The following D2HGDH variants were observed in gnomAD, a reference collection of about 807,000 sequenced individuals.
D2HGDH encodes the protein D-2-hydroxyglutarate dehydrogenase, also known as D-2-hydroxyglutarate dehydrogenase, mitochondrial.
A neutral mutation model predicts 46.9 loss-of-function variants in D2HGDH; 31 were observed. That is an observed-to-expected ratio of 0.66 (90% confidence interval 0.50 to 0.89). The LOEUF (loss-of-function observed/expected upper bound fraction) is 0.89, where lower values mean the gene tolerates loss of function less well. D2HGDH is among the 40% of genes least tolerant of loss of function. The pLI is 0.00. For synonymous variants in D2HGDH, 364 were observed against 332.6 expected (o/e 1.09, Z -1.03); for missense variants, 698 against 720.8 (o/e 0.97, Z 0.36).
At position 241,768,521 on chromosome 2, in the gene D2HGDH, A is replaced by AG; in HGVS notation, c.*558dup. ...CCCTCAGGCCGTGGACGCCCTCGGG[A>AG]GGGGGGTGACTGTGGCTTGTGTCTG... On this transcript the variant is annotated 3_prime_UTR_variant, in exon 10 of 10. Coordinates refer to ENST00000321264, the MANE Select transcript of D2HGDH (RefSeq NM_152783.5). 1 of 153,128 alleles carries AG rather than the reference A, an allele frequency of 6.5e-6. No homozygotes were observed. The highest frequency in any genetic ancestry group is 1.5e-5 in the Non-Finnish European group (1 of 68,730). The allele number at this position is 153,128 out of a possible 1,614,324, so 9.5% of individuals were successfully genotyped here.
At chr2:241,758,767 ATATGTGTGTGTGTGTGTGTGTGTGTG>A (rs1276266586) in intron 9 of D2HGDH, among the ~76,000 whole-genome samples, 1 of 106,138 alleles carries the variant, frequency 9.4e-6, no homozygotes, top group East Asian at 2.9e-4. Flanking sequence ...GCCCCACAAT[ATATGTGTGTGTGTGTGTGTGTGTGTG>A]TGTGTGTGTG....
rs1304243051 is a variant in D2HGDH at position 241,743,894 on chromosome 2, C to G, written c.684+79C>G. On this transcript the variant is annotated intron_variant, in intron 5 of 9. Transcript: ENST00000321264. This position sits in a 1 kb window ranked among gnomAD's most constrained non-coding sequence, Gnocchi z 4.8. ...GCTCTCATGGGCCCACGTGGTGGCA[C>G]AGGTGCATGGGGCCCCTCGGGGTGG... 3 of 1,507,878 alleles carry G rather than the reference C, an allele frequency of 2.0e-6. No homozygotes were observed. The highest frequency in any genetic ancestry group is 2.7e-6 in the Non-Finnish European group (3 of 1,112,394). The allele number at this position is 1,507,878 out of a possible 1,614,324, so 93.4% of individuals were successfully genotyped here.
chr2:241,738,510 G>A (rs1034457605), intron 2 of D2HGDH, among the ~76,000 whole-genome samples: 3 of 152,250 alleles, frequency 2.0e-5, no homozygotes, highest in Non-Finnish European at 2.9e-5. Flanking sequence ...GGGCTATGCC[G>A]CTGCTGCCCT....
In D2HGDH at chr2:241,768,137, C is replaced by G. The variant is rs1256318054; in HGVS notation, c.*168C>G. ...GAACTGCCGGACGCAGGCCCTCGGG[C>G]AGGAGCATCTGGCAGAGTGGGGGGC... On this transcript the variant is annotated 3_prime_UTR_variant, in exon 10 of 10. Transcript: ENST00000321264. 2 of 1,079,790 alleles carry G rather than the reference C, an allele frequency of 1.9e-6. No homozygotes were observed. The highest frequency in any genetic ancestry group is 2.6e-6 in the Non-Finnish European group (2 of 776,202). 66.9% of individuals were successfully genotyped at this position (1,079,790 alleles called of 1,614,324 possible). A position where few individuals can be genotyped will look rare whatever the true frequency, so the allele number is the denominator to read the frequency against.
rs1049672893 is a variant in D2HGDH, at chr2:241,743,868, G to A, written c.684+53G>A. The A allele has an allele frequency of 1.3e-5, 20 of 1,538,768 alleles. No homozygotes were observed. Among genetic ancestry groups the A allele is most frequent in the Middle Eastern group, 2.3e-4 (1 of 4,362 alleles). ...AGGTCGCCACGGGGTGTCCTCTCAC[G>A]GCTCTCATGGGCCCACGTGGTGGCA... On this transcript the variant is annotated intron_variant, in intron 5 of 9. Coordinates refer to ENST00000321264, the MANE Select transcript of D2HGDH (RefSeq NM_152783.5). The surrounding 1 kb of genome is among the most constrained non-coding windows in gnomAD (Gnocchi z 4.8).
In D2HGDH at chr2:241,755,697, A is replaced by C. The variant is rs747716445; in HGVS notation, c.1141-152A>C. The C allele has an allele frequency of 8.0e-5, 125 of 1,564,452 alleles. No individual in the cohort carries two copies. The African/African-American group carries it at 1.4e-3, about 18-fold the overall frequency. On this transcript the variant is annotated intron_variant, in intron 8 of 9. Transcript: ENST00000321264. ...ACATTCGCTGTCTGGGGTTGGAGCC[A>C]CACCTGGTCTGGGGCATTTGCTGTC...
chr2:241,751,110 C>A, intron 7 of D2HGDH, 136 bp from the exon 8 acceptor site: 6 of 1,190,610 alleles, frequency 5.0e-6, no homozygotes, highest in Non-Finnish European at 7.3e-6. Flanking sequence ...GAGCTGTGTG[C>A]TCCGCAGGCT....
chr2:241,736,456 T>C (rs897234751), intron 2 of D2HGDH, among the ~76,000 whole-genome samples: 4 of 151,724 alleles, frequency 2.6e-5, no homozygotes, highest in Admixed American at 6.6e-5. Flanking sequence ...CAGAGGAGGC[T>C]CCTTCCTGCC....
intron 9 of D2HGDH, among the ~76,000 whole-genome samples, chr2:241,762,491 G>A (rs1336146632): frequency 6.6e-6 from 1 of 152,222 alleles, no homozygotes; most frequent in African/African-American, 2.4e-5. Flanking sequence ...GGCCGGGTGA[G>A]TGTTTACCTG....
At chr2:241,735,066 C>A in intron 1 of D2HGDH, 67 bp from the exon 2 acceptor site, 1 of 825,464 alleles carries the variant, frequency 1.2e-6, no homozygotes, top group East Asian at 3.2e-5. Flanking sequence ...CCCCTCCCTG[C>A]TTCTGCAAGC....
rs374535734 is a variant in D2HGDH, at chr2:241,744,721, G to T, written c.697G>T (p.Gly233Cys). 1 of 1,614,230 alleles carries T rather than the reference G, an allele frequency of 6.2e-7. No individual in the cohort carries two copies. Among genetic ancestry groups the T allele is most frequent in the Non-Finnish European group, 8.5e-7 (1 of 1,180,038 alleles). Residue 233 changes from glycine (G) to cysteine (C), a missense_variant, in exon 6 of 10, where the codon GGC (glycine) becomes TGC (cysteine). Physicochemically the swap from Gly to Cys is radical, Grantham distance 159. Coordinates refer to ENST00000321264, the MANE Select transcript of D2HGDH (RefSeq NM_152783.5). ...VLGLEVVLAD[G>C]TVLDCLTSLR... Reference sequence around the variant, plus strand: ...TCTTTGCCCCAAGGTGCTGGCCGACGGCACTGTCCTGGACTGCCTGACCTC... The same window carrying T: ...TCTTTGCCCCAAGGTGCTGGCCGACTGCACTGTCCTGGACTGCCTGACCTC...
chr2:241,755,517 G>C (rs1369358949), intron 8 of D2HGDH: 2 of 1,362,616 alleles, frequency 1.5e-6, no homozygotes, highest in Non-Finnish European at 1.9e-6. Flanking sequence ...TCCCCCTTCT[G>C]TGAGGTGTCC....
At position 241,758,765 on chromosome 2, in the gene D2HGDH, A is replaced by ATGTGTG. The variant is rs1491270413; in HGVS notation, c.1306+2752_1306+2753insGTGTGT. Among the ~76,000 whole-genome samples, 97 of 113,436 alleles carry ATGTGTG rather than the reference A, an allele frequency of 8.6e-4. 1 individual carries two copies. The highest frequency in any genetic ancestry group is 4.9e-4 in the Non-Finnish European group (24 of 48,730). The allele number at this position is 113,436 out of a possible 152,430, so 74.4% of individuals were successfully genotyped here. A position where few individuals can be genotyped will look rare whatever the true frequency, so the allele number is the denominator to read the frequency against. ...GATCTATACCGCCCCCCGCCCCACA[A>ATGTGTG]TATATGTGTGTGTGTGTGTGTGTGT... On this transcript the variant is annotated intron_variant, in intron 9 of 9. Transcript: ENST00000321264.
chr2:241,751,103 C>G (rs1697110475), intron 7 of D2HGDH, 143 bp from the exon 8 acceptor site: 12 of 1,096,268 alleles, frequency 1.1e-5, no homozygotes, highest in Non-Finnish European at 1.5e-5. Context: ...AACCAGAGAG[C>G]TGTGTGCTCC....
intron 2 of D2HGDH, among the ~76,000 whole-genome samples, chr2:241,739,794 T>A (rs1693939419): frequency 6.6e-6 from 1 of 152,220 alleles, no homozygotes; most frequent in Non-Finnish European, 1.5e-5. Context: ...TCACTGTGAA[T>A]AAGCAGCTAC....
chr2:241,742,302 GC>G lies in D2HGDH; in HGVS notation c.351-128del, dbSNP rs1694687679. 1.6e-6 allele frequency: 2 copies of G among 1,226,740 alleles called. No homozygotes were observed. Among genetic ancestry groups the G allele is most frequent in the Non-Finnish European group, 2.3e-6 (2 of 884,454 alleles). 76.0% of individuals were successfully genotyped at this position (1,226,740 alleles called of 1,614,324 possible). A position where few individuals can be genotyped will look rare whatever the true frequency, so the allele number is the denominator to read the frequency against. Reference sequence around the variant, plus strand: ...CCTCACATGCGTGGGCTGGGGAGGAGCCCCCGCTGAGGCTGCAGGCAGGGCA... The same window carrying G: ...CCTCACATGCGTGGGCTGGGGAGGAGCCCCGCTGAGGCTGCAGGCAGGGCA... On this transcript the variant is annotated intron_variant, in intron 3 of 9. Coordinates refer to ENST00000321264, the MANE Select transcript of D2HGDH (RefSeq NM_152783.5). This position sits in a 1 kb window ranked among gnomAD's most constrained non-coding sequence, Gnocchi z 4.8.
rs930630391 is a variant in D2HGDH at position 241,743,238 on chromosome 2, C to A, written c.491-384C>A. 6.6e-6 allele frequency among the ~76,000 whole-genome samples: 1 copy of A among 152,206 alleles called. No homozygotes were observed. Among genetic ancestry groups the A allele is most frequent in the Admixed American group, 6.5e-5 (1 of 15,294 alleles). The stretch of plus-strand genomic sequence containing the variant: ...GGCGCCTGCACTGTTGGGTGTTGAG[C>A]AGCATCCTTGGCCTCCGCCTACAAG... On this transcript the variant is annotated intron_variant, in intron 4 of 9. Coordinates refer to ENST00000321264, the MANE Select transcript of D2HGDH (RefSeq NM_152783.5). The surrounding 1 kb of genome is among the most constrained non-coding windows in gnomAD (Gnocchi z 4.8).
intron 8 of D2HGDH, chr2:241,755,250 C>T (rs1286827227): frequency 5.4e-6 from 6 of 1,117,926 alleles, no homozygotes; most frequent in East Asian, 1.1e-4. Context: ...GTGGCCCACC[C>T]ACCATGTCCT....
intron 2 of D2HGDH, among the ~76,000 whole-genome samples, chr2:241,738,410 G>GT (rs1693522258): frequency 6.6e-6 from 1 of 152,242 alleles, no homozygotes; most frequent in African/African-American, 2.4e-5. Flanking sequence ...CAGGAACACC[G>GT]TGCGGGTAAG....
Sources: gnomAD v4.1 joint callset for allele counts (sites outside exome capture counted in the v4.1 genomes callset) on GRCh38, gnomAD v4.1.1 for gene constraint, Gnocchi (gnomAD v3.1) non-coding constraint, MANE v1.5 for transcripts, NCBI Gene and HGNC (gene_info 2026-07-23, HGNC 2026-07-21) for gene names.